SLAMF1: variants seen among roughly 807,000 people sequenced by gnomAD.
SLAMF1 encodes signaling lymphocytic activation molecule family member 1.
A neutral mutation model predicts 35.1 loss-of-function variants in SLAMF1; 18 were observed. That is an observed-to-expected ratio of 0.51 (90% CI 0.35 to 0.76). The LOEUF is 0.76. Among genes scored for constraint, SLAMF1 ranks in the 30% least tolerant of loss-of-function variants. The probability of loss-of-function intolerance (pLI) is 0.01; values close to 1 mark genes in which losing one functional copy is unlikely to be tolerated. For missense variants in SLAMF1, 392 were observed against 413.0 expected (o/e 0.95, Z 0.44); for synonymous variants, 168 against 157.2 (o/e 1.07, Z -0.51).
At chr1:160,646,813 A>T in intron 1 of SLAMF1, 57 bp downstream of exon 1, 1 of 943,402 alleles carries the variant, frequency 1.1e-6, no homozygotes, top group Non-Finnish European at 1.7e-6. Flanking sequence ...CCACGAAGAT[A>T]CGCTGATTCC....
intron 1 of SLAMF1, among the ~76,000 whole-genome samples, chr1:160,645,510 C>A (rs1660995049): frequency 6.6e-6 from 1 of 152,206 alleles, no homozygotes; most frequent in Non-Finnish European, 1.5e-5. Flanking sequence ...TGCTATGGGC[C>A]AGGCTGGCCA....
chr1:160,637,860 G>A (rs1386528308), intron 1 of SLAMF1, among the ~76,000 whole-genome samples: 3 of 152,198 alleles, frequency 2.0e-5, no homozygotes, highest in African/African-American at 7.2e-5. Flanking sequence ...AAGTGGCAGA[G>A]TCAGGATTAG....
intron 3 of SLAMF1, among the ~76,000 whole-genome samples, chr1:160,626,643 A>C (rs557964694): frequency 2.0e-5 from 3 of 152,298 alleles, no homozygotes; most frequent in African/African-American, 7.2e-5. Context: ...GTCATAGAAA[A>C]AGTCAGTGGC....
rs776971005 is a variant in SLAMF1 at position 160,642,981 on chromosome 1, A to G, written c.76+3889T>C. Among the ~76,000 whole-genome samples, 2 of 152,192 alleles carry G rather than the reference A, an allele frequency of 1.3e-5. No homozygotes were observed. Among genetic ancestry groups the G allele is most frequent in the East Asian group, 1.9e-4 (1 of 5,194 alleles). ...ACTTTATCCCAAATGTGCACATGAG[A>G]TATACTGGATTAGAGTTAAATTTCT... On this transcript the variant is annotated intron_variant, in intron 1 of 6. Transcript: ENST00000302035. This position sits in a 1 kb window ranked among gnomAD's most constrained non-coding sequence, Gnocchi z 4.2.
intron 3 of SLAMF1, among the ~76,000 whole-genome samples, chr1:160,632,833 A>T (rs922215074): frequency 6.6e-6 from 1 of 152,190 alleles, no homozygotes; most frequent in African/African-American, 2.4e-5. Flanking sequence ...TAAGTGCTTT[A>T]TCTCTTTCAC....
At chr1:160,619,122 T>C (rs1659470328) in intron 5 of SLAMF1, among the ~76,000 whole-genome samples, 1 of 151,962 alleles carries the variant, frequency 6.6e-6, no homozygotes, top group Non-Finnish European at 1.5e-5. Flanking sequence ...GCCTATACAA[T>C]ACCAAGAATT....
intron 1 of SLAMF1, among the ~76,000 whole-genome samples, chr1:160,640,653 C>T (rs1429097099): frequency 1.3e-5 from 2 of 151,886 alleles, no homozygotes; most frequent in African/African-American, 4.8e-5. Flanking sequence ...CAAAATACCC[C>T]GAAATCCCCA....
chr1:160,619,846 T>C lies in SLAMF1; in HGVS notation c.794A>G (p.Lys265Arg), dbSNP rs763221350. 3.1e-6 allele frequency: 5 copies of C among 1,609,776 alleles called. No homozygotes were observed. The highest frequency in any genetic ancestry group is 4.3e-6 in the Non-Finnish European group (5 of 1,176,008). ...VVILQLRRRG[K>R]TNHYQTTVEK... is the part of the protein sequence containing the mutation. Reference sequence around the variant, plus strand: ...CACTGTTGTCTGGTAATGGTTCGTTTTACCTGGTGAAAAGAAACCATAATG... The same window carrying C: ...CACTGTTGTCTGGTAATGGTTCGTTCTACCTGGTGAAAAGAAACCATAATG... The change falls in exon 5 of 7, where the codon AAA (lysine) becomes AGA (arginine). Residue 265 changes from lysine to arginine, a missense_variant. Physicochemically the swap from Lys to Arg is conservative, Grantham distance 26. Coordinates refer to ENST00000302035, the MANE Select transcript of SLAMF1 (RefSeq NM_003037.5).
chr1:160,628,051 A>G (rs951812760), intron 3 of SLAMF1, among the ~76,000 whole-genome samples: 7 of 152,190 alleles, frequency 4.6e-5, no homozygotes, highest in African/African-American at 1.4e-4. Context: ...TTCGCCTTCA[A>G]CCATGATTGT....
rs80253352 is a variant in SLAMF1, at chr1:160,645,210, G to A, written c.76+1660C>T. Among the ~76,000 whole-genome samples the A allele has an allele frequency of 2.4e-3, 368 of 152,284 alleles. 9 individuals carry two copies. In the East Asian group the frequency reaches 0.04, roughly 16 times the overall value. Reference sequence around the variant, plus strand: ...GCTGAGTAGAAATGAGAATGGGAGTGGATGCCAGTTTTACAAGAATCAAGC... The same window carrying A: ...GCTGAGTAGAAATGAGAATGGGAGTAGATGCCAGTTTTACAAGAATCAAGC... On this transcript the variant is annotated intron_variant, in intron 1 of 6. Transcript: ENST00000302035.
intron 3 of SLAMF1, among the ~76,000 whole-genome samples, chr1:160,631,983 T>A (rs1276246644): frequency 6.6e-6 from 1 of 151,506 alleles, no homozygotes; most frequent in African/African-American, 2.4e-5. Flanking sequence ...GAAGATGATA[T>A]GAAGAGACAA....
At chr1:160,633,733 A>G (rs2102333313) in intron 3 of SLAMF1, among the ~76,000 whole-genome samples, 1 of 152,334 alleles carries the variant, frequency 6.6e-6, no homozygotes, top group South Asian at 2.1e-4. Context: ...AAATGGGCTT[A>G]CTTAGTAAGT....
chr1:160,629,475 A>T (rs1049855064), intron 3 of SLAMF1, among the ~76,000 whole-genome samples: 1 of 152,254 alleles, frequency 6.6e-6, no homozygotes, highest in African/African-American at 2.4e-5. Context: ...CCTGCCTTTC[A>T]TGTGGTTCTG....
intron 2 of SLAMF1, among the ~76,000 whole-genome samples, chr1:160,635,738 AT>A (rs33918009): frequency 4.0e-4 from 57 of 144,294 alleles, no homozygotes; most frequent in Admixed American, 4.8e-4. Context: ...TGCTGAGCTA[AT>A]TTTTTTTTTT....
At chr1:160,612,448 T>C (rs1262399746) in intron 6 of SLAMF1, 40 bp downstream of exon 6, 3 of 1,344,342 alleles carry the variant, frequency 2.2e-6, no homozygotes. Flanking sequence ...CTCCTTCATG[T>C]ATTCCCTCTC....
chr1:160,620,542 T>G (rs963833807), intron 4 of SLAMF1, among the ~76,000 whole-genome samples: 1 of 152,204 alleles, frequency 6.6e-6, no homozygotes, highest in East Asian at 1.9e-4. Context: ...CTTTTTAAAT[T>G]ATAGGAGTAA....
intron 3 of SLAMF1, among the ~76,000 whole-genome samples, chr1:160,631,261 C>T (rs1366632059): frequency 1.3e-5 from 2 of 152,356 alleles, no homozygotes; most frequent in African/African-American, 2.4e-5. Context: ...GGGCAGGCCA[C>T]AAACCAGCTG....
In SLAMF1 at chr1:160,634,712, G is replaced by T; in HGVS notation, c.601C>A (p.Gln201Lys). The T allele has an allele frequency of 6.2e-7, 1 of 1,614,106 alleles. No homozygotes were observed. The highest frequency in any genetic ancestry group is 8.5e-7 in the Non-Finnish European group (1 of 1,179,958). ...SHLLSLTLGPQHADNIYICTV... is the reference protein window; with the variant it reads ...SHLLSLTLGPKHADNIYICTV... The stretch of plus-strand genomic sequence containing the variant: ...CAGATGTAGATATTGTCAGCATGCT[G>T]GGGGCCGAGGGTGAGGGACAGGAGG... Residue 201 changes from glutamine to lysine, a missense_variant, in exon 3 of 7, where the codon CAG becomes AAG. Coordinates refer to ENST00000302035, the MANE Select transcript of SLAMF1 (RefSeq NM_003037.5).
At position 160,634,630 on chromosome 1, in the gene SLAMF1, C is replaced by T. The variant is rs2102336342; in HGVS notation, c.683G>A (p.Cys228Tyr). The T allele has an allele frequency of 1.9e-6, 3 of 1,608,864 alleles. No homozygotes were observed. Among genetic ancestry groups the T allele is most frequent in the Middle Eastern group, 1.7e-4 (1 of 6,034 alleles). Residue 228 changes from cysteine (C) to tyrosine (Y), a missense_variant, in exon 3 of 7, where the codon TGC becomes TAC. Physicochemically the swap from Cys to Tyr is radical, Grantham distance 194. Transcript: ENST00000302035. ...NSQTFSPWPG[C>Y]RTDPSETKPW... ...GTACTCACCTGAGGGGTCTGTCCTGCATCCGGGCCACGGGCTGAAGGTCTG... is the reference window on the plus strand; with the variant it reads ...GTACTCACCTGAGGGGTCTGTCCTGTATCCGGGCCACGGGCTGAAGGTCTG...
Sources: gnomAD v4.1 joint callset for allele counts (sites outside exome capture counted in the v4.1 genomes callset) on GRCh38, gnomAD v4.1.1 for gene constraint, Gnocchi (gnomAD v3.1) non-coding constraint, MANE v1.5 for transcripts, NCBI Gene and HGNC (gene_info 2026-07-23, HGNC 2026-07-21) for gene names.